Variants in BAIAP2 observed in about 807,000 individuals in gnomAD.
BAIAP2 encodes the protein BAR/IMD domain containing adaptor protein 2.
A neutral mutation model predicts 63.0 loss-of-function variants in BAIAP2; 18 were observed. The observed-to-expected ratio is 0.29, with a 90% CI of 0.20 to 0.42. BAIAP2 has a LOEUF of 0.42. Among genes scored for constraint, BAIAP2 ranks in the 10% least tolerant of loss-of-function variants. BAIAP2 has a pLI of 1.00. For missense variants in BAIAP2, 610 were observed against 734.3 expected, an observed-to-expected ratio of 0.83 and a Z score of 1.96; for synonymous variants, 386 against 307.6, an observed-to-expected ratio of 1.25 and a Z score of -2.67.
chr17:81,081,182 C>T (rs772910669), intron 3 of BAIAP2, among the ~76,000 whole-genome samples: 8 of 152,202 alleles, frequency 5.3e-5, no homozygotes, highest in African/African-American at 1.2e-4. Flanking sequence ...CCATGAAAAC[C>T]GCAGGACAGT....
At chr17:81,099,064 C>T (rs1011206761) in intron 6 of BAIAP2, among the ~76,000 whole-genome samples, 2 of 145,834 alleles carry the variant, frequency 1.4e-5, no homozygotes, top group African/African-American at 2.6e-5. Flanking sequence ...AGCAATCAGG[C>T]CTACTTCTCA....
intron 1 of BAIAP2, chr17:81,036,035 C>T (rs1280050824): frequency 6.6e-6 from 1 of 152,230 alleles, no homozygotes; most frequent in East Asian, 1.9e-4. Context: ...GTGGCATCCA[C>T]GTTCTCGTCT....
chr17:81,045,150 G>A (rs1461790826), intron 1 of BAIAP2, among the ~76,000 whole-genome samples: 1 of 152,218 alleles, frequency 6.6e-6, no homozygotes, highest in African/African-American at 2.4e-5. Context: ...TGCCCTTGTG[G>A]ACCTCTGCTC....
In BAIAP2 at chr17:81,106,161, C is replaced by T. The variant is rs1598813723; in HGVS notation, c.1337+15C>T. 8.3e-6 allele frequency: 13 copies of T among 1,569,054 alleles called. No homozygotes were observed. The highest frequency in any genetic ancestry group is 1.1e-5 in the Non-Finnish European group (13 of 1,156,740). ...CTGCACATGAGGTGAGCTCTGGGCC[C>T]AACGGGAGTGTAAGATCCCCAGCTC... On this transcript the variant is annotated intron_variant, in intron 11 of 13. Transcript: ENST00000428708.
intron 3 of BAIAP2, among the ~76,000 whole-genome samples, chr17:81,067,535 GTTGCA>G (rs2051720818): frequency 6.6e-6 from 1 of 152,054 alleles, no homozygotes; most frequent in Admixed American, 6.6e-5. Flanking sequence ...GATTGGCCGT[GTTGCA>G]GCCGCGGCAG....
intron 1 of BAIAP2, among the ~76,000 whole-genome samples, chr17:81,041,943 CTTAT>C (rs2143570979): frequency 6.6e-6 from 1 of 152,164 alleles, no homozygotes; most frequent in Admixed American, 6.5e-5. Context: ...TTTCTTAAAA[CTTAT>C]TTTTCATGAA....
intron 1 of BAIAP2, among the ~76,000 whole-genome samples, chr17:81,044,953 C>A (rs1189688488): frequency 6.6e-6 from 1 of 152,184 alleles, no homozygotes; most frequent in Non-Finnish European, 1.5e-5. Context: ...GCCAGGGTGG[C>A]TGGACATTGG....
At chr17:81,040,219 C>T (rs997618509) in intron 1 of BAIAP2, among the ~76,000 whole-genome samples, 1 of 152,242 alleles carries the variant, frequency 6.6e-6, no homozygotes, top group East Asian at 1.9e-4. Flanking sequence ...TGTCTGGTGA[C>T]TTTCTTTGAG....
intron 12 of BAIAP2, 57 bp from the exon 13 acceptor site, chr17:81,108,417 GT>G: frequency 6.3e-7 from 1 of 1,595,070 alleles, no homozygotes; most frequent in South Asian, 1.1e-5. Context: ...CAGGCAGCGG[GT>G]GGGGGTGACC....
chr17:81,036,908 C>A, intron 1 of BAIAP2: 5 of 1,535,900 alleles, frequency 3.3e-6, no homozygotes, highest in Non-Finnish European at 4.4e-6. Flanking sequence ...TATTTTTTCT[C>A]CTTCTGCGCT....
chr17:81,102,417 C>T (rs1169589476), intron 7 of BAIAP2, among the ~76,000 whole-genome samples: 1 of 152,174 alleles, frequency 6.6e-6, no homozygotes, highest in Non-Finnish European at 1.5e-5. Flanking sequence ...CAGGGCTCGG[C>T]AGACGTTCTG....
At chr17:81,105,200 TCC>T in intron 10 of BAIAP2, 1 of 166,064 alleles carries the variant, frequency 6.0e-6, no homozygotes, top group Non-Finnish European at 1.3e-5. Flanking sequence ...GGCTCGGGTC[TCC>T]CCCACATGGC....
chr17:81,087,494 G>GC (rs1048442623), intron 6 of BAIAP2: 2 of 152,220 alleles, frequency 1.3e-5, no homozygotes, highest in Non-Finnish European at 2.9e-5. Context: ...CAGAGCCTGT[G>GC]CCCCCGCTCC....
chr17:81,037,101 A>T, intron 1 of BAIAP2: 1 of 756,894 alleles, frequency 1.3e-6, no homozygotes, highest in Non-Finnish European at 2.1e-6. Context: ...GCTGGCAGGA[A>T]AACTCTTAGG....
chr17:81,055,654 C>T (rs184693271), intron 2 of BAIAP2, among the ~76,000 whole-genome samples: 2,100 of 150,136 alleles, frequency 0.014, 14 homozygotes, highest in Middle Eastern at 0.024. Context: ...CAAACTCTGC[C>T]TCCCGGGTTC....
chr17:81,109,778 A>G (rs1208573611), intron 13 of BAIAP2: 1 of 985,320 alleles, frequency 1.0e-6, no homozygotes, highest in Non-Finnish European at 1.2e-6. Context: ...AGCTGGCCGC[A>G]CACGGACATT....
At chr17:81,064,151 C>T (rs995140515) in intron 3 of BAIAP2, among the ~76,000 whole-genome samples, 6 of 152,254 alleles carry the variant, frequency 3.9e-5, no homozygotes, top group African/African-American at 9.6e-5. Flanking sequence ...TCTTCCTCCT[C>T]TTCTCATTCC....
At chr17:81,098,962 G>GTCCCCCCATCCCCCCATCCCCCCA (rs57728912) in intron 6 of BAIAP2, among the ~76,000 whole-genome samples, 3 of 137,782 alleles carry the variant, frequency 2.2e-5, no homozygotes, top group African/African-American at 3.0e-5. Context: ...CATTCTCCCC[G>GTCCCCCCATCCCCCCATCCCCCCA]TCCCCCCATC....
chr17:81,039,817 C>T (rs2046839495), intron 1 of BAIAP2, among the ~76,000 whole-genome samples: 1 of 152,160 alleles, frequency 6.6e-6, no homozygotes, highest in Admixed American at 6.5e-5. Context: ...GGTGGTCTTG[C>T]AGGGGAGGGC....
Sources: allele counts gnomAD v4.1 joint callset (sites outside exome capture counted in the v4.1 genomes callset), GRCh38; gene constraint gnomAD v4.1.1; transcripts MANE v1.5; gene names NCBI Gene and HGNC (gene_info 2026-07-23, HGNC 2026-07-21).